The following ATP8B4 variants were observed in gnomAD, a reference collection of about 807,000 sequenced individuals.
ATP8B4 encodes the protein probable phospholipid-transporting ATPase IM.
Under a neutral mutation model 145.6 loss-of-function variants are expected in ATP8B4, and 133 were observed. The ratio of observed to expected loss-of-function variants is 0.91; its 90% CI spans 0.79 to 1.05. ATP8B4 has a LOEUF of 1.05. Among genes scored for constraint, ATP8B4 ranks in the 50% least tolerant of loss-of-function variants. The pLI, the probability that ATP8B4 is intolerant of heterozygous loss-of-function variation, is 0.00. For synonymous variants in ATP8B4, 507 were observed against 492.9 expected (o/e 1.03, Z -0.38); for missense variants, 1,458 against 1,425.2 (o/e 1.02, Z -0.37).
intron 3 of ATP8B4, among the ~76,000 whole-genome samples, chr15:50,056,360 A>G (rs2052596506): frequency 6.6e-6 from 1 of 152,202 alleles, no homozygotes; most frequent in South Asian, 2.1e-4. Context: ...GAGAGGCAGG[A>G]ACAAGCAGAC....
At chr15:49,934,521 G>C (rs1488426994) in intron 14 of ATP8B4, among the ~76,000 whole-genome samples, 1 of 152,056 alleles carries the variant, frequency 6.6e-6, no homozygotes, top group Admixed American at 6.6e-5. Context: ...GGCAAAACCT[G>C]ATCTGACTTG....
chr15:50,168,307 G>C (rs1412657139), intron 1 of ATP8B4, among the ~76,000 whole-genome samples: 1 of 152,146 alleles, frequency 6.6e-6, no homozygotes, highest in East Asian at 1.9e-4. Context: ...ACCCTCTGAA[G>C]GAAGTAGACT....
Position 50,173,094 on chromosome 15 carries a change from A to G in ATP8B4, c.-43+9167T>C, listed in dbSNP as rs1172784291. ...GGGAGGTGGGGGGCAGCCCCCGCCC[A>G]GCCGCCGCCCCGTCTGGGAGGTGGG... On this transcript the variant is annotated intron_variant, in intron 1 of 3. Coordinates refer to the ATP8B4 transcript ENST00000558829. Among the ~76,000 whole-genome samples, 3 of 124,152 alleles carry G rather than the reference A, an allele frequency of 2.4e-5. No homozygotes were observed. The East Asian group carries it at 7.9e-4, about 33-fold the overall frequency. The allele number at this position is 124,152 out of a possible 152,430, so 81.4% of individuals were successfully genotyped here. A position where few individuals can be genotyped will look rare whatever the true frequency, so the allele number is the denominator to read the frequency against.
chr15:49,898,207 A>C lies in ATP8B4; in HGVS notation c.2334T>G (p.Leu778=). 2 of 1,613,878 alleles carry C rather than the reference A, an allele frequency of 1.2e-6. No homozygotes were observed. The highest frequency in any genetic ancestry group is 1.7e-6 in the Non-Finnish European group (2 of 1,179,852). Reference sequence around the variant, plus strand: ...AAATTACAGTCTTACACATGCAAGCAAGTTCTAGGAGATCATTCTTGACAT... The same window carrying C: ...AAATTACAGTCTTACACATGCAAGCCAGTTCTAGGAGATCATTCTTGACAT... The part of the protein sequence containing the change: ...ESDVKNDLLE[L]ACMCKTVICC... The change falls in exon 22 of 28, where the codon CTT becomes CTG. Residue 778 remains leucine (L), a synonymous_variant. Transcript: ENST00000284509.
At chr15:50,140,251 C>T (rs1423395584) in intron 1 of ATP8B4, among the ~76,000 whole-genome samples, 1 of 151,988 alleles carries the variant, frequency 6.6e-6, no homozygotes, top group Non-Finnish European at 1.5e-5. Flanking sequence ...CTAGGAGCTC[C>T]CCCAGGGTAA....
Position 49,979,704 on chromosome 15 carries a change from T to C in ATP8B4, c.947A>G (p.Glu316Gly), listed in dbSNP as rs2153532704. 1 of 1,610,174 alleles carries C rather than the reference T, an allele frequency of 6.2e-7. No individual in the cohort carries two copies. The highest frequency in any genetic ancestry group is 1.1e-5 in the South Asian group (1 of 90,852). ...GAATCCGGAGAACACAGAGCTCTTC[T>C]CTCCTTCATTCCAAAAGAGGAAAGT... ...FRTFLFWNEG[E>G]KSSVFSGFLT... Residue 316 changes from glutamate (E) to glycine (G), a missense_variant, in exon 12 of 28, where the codon GAG becomes GGG. Glu to Gly is a moderately conservative substitution (Grantham distance 98). Transcript: ENST00000284509.
chr15:49,872,824 G>A (rs2033863360), intron 25 of ATP8B4, among the ~76,000 whole-genome samples: 1 of 152,036 alleles, frequency 6.6e-6, no homozygotes, highest in Admixed American at 6.6e-5. Flanking sequence ...AAGAGAAAAG[G>A]GTAATTAATG....
At chr15:50,114,103 CTTTTTTT>C (rs755159123) in intron 1 of ATP8B4, among the ~76,000 whole-genome samples, 7 of 55,644 alleles carry the variant, frequency 1.3e-4, no homozygotes, top group South Asian at 1.0e-3. Context: ...CTCCTAGTTT[CTTTTTTT>C]TTTTTTTTTT....
chr15:50,014,813 A>C (rs1054092452), intron 6 of ATP8B4, among the ~76,000 whole-genome samples: 3 of 152,202 alleles, frequency 2.0e-5, no homozygotes, highest in Non-Finnish European at 4.4e-5. Flanking sequence ...TCCATTTTAC[A>C]GAATAGGACA....
intron 1 of ATP8B4, among the ~76,000 whole-genome samples, chr15:50,107,506 T>A (rs1240314525): frequency 6.6e-6 from 1 of 152,220 alleles, no homozygotes; most frequent in Non-Finnish European, 1.5e-5. Flanking sequence ...GGCAGTTATT[T>A]TTTTTAAACC....
chr15:49,933,957 C>A, intron 15 of ATP8B4, 60 bp downstream of exon 15: 1 of 1,438,630 alleles, frequency 7.0e-7, no homozygotes, highest in South Asian at 1.6e-5. Flanking sequence ...AATTTAGTGT[C>A]AGTTTCAATT....
At chr15:50,144,752 T>C (rs1199115787) in intron 1 of ATP8B4, among the ~76,000 whole-genome samples, 1 of 85,312 alleles carries the variant, frequency 1.2e-5, no homozygotes, top group Non-Finnish European at 2.9e-5. Context: ...ATTACCCTTG[T>C]TTTTTTTTTT....
At chr15:49,860,728 T>A (rs1240266860) in intron 27 of ATP8B4, among the ~76,000 whole-genome samples, 4 of 152,184 alleles carry the variant, frequency 2.6e-5, no homozygotes, top group African/African-American at 2.4e-5. Flanking sequence ...TTGTCTCTCA[T>A]GTATCTTCAA....
intron 6 of ATP8B4, among the ~76,000 whole-genome samples, chr15:50,030,519 A>G (rs1412925609): frequency 1.3e-5 from 2 of 152,164 alleles, no homozygotes; most frequent in African/African-American, 4.8e-5. Context: ...TGGGGGAAGG[A>G]GACATTAAAA....
chr15:49,997,882 T>C (rs2047556614), intron 8 of ATP8B4, among the ~76,000 whole-genome samples: 2 of 152,116 alleles, frequency 1.3e-5, no homozygotes, highest in South Asian at 4.1e-4. Flanking sequence ...AACCTGCTGA[T>C]TTCTAGGACG....
intron 1 of ATP8B4, among the ~76,000 whole-genome samples, chr15:50,169,283 C>A (rs777822429): frequency 7.7e-6 from 1 of 129,170 alleles, no homozygotes; most frequent in East Asian, 2.1e-4. Context: ...TCCATTGCAG[C>A]CTCCACCACC....
At chr15:49,986,857 C>G (rs1008923330) in intron 10 of ATP8B4, among the ~76,000 whole-genome samples, 1 of 150,102 alleles carries the variant, frequency 6.7e-6, no homozygotes, top group Non-Finnish European at 1.5e-5. Context: ...GAGGCACCTC[C>G]TCCCACCCCA....
chr15:50,068,661 A>C (rs1600173081), intron 3 of ATP8B4, among the ~76,000 whole-genome samples: 1 of 152,198 alleles, frequency 6.6e-6, no homozygotes, highest in African/African-American at 2.4e-5. Context: ...TTTTGGCTTT[A>C]CTGAAGTTTC....
At chr15:50,139,875 C>A (rs116561490) in intron 1 of ATP8B4, among the ~76,000 whole-genome samples, 1 of 152,118 alleles carries the variant, frequency 6.6e-6, no homozygotes, top group Non-Finnish European at 1.5e-5. Flanking sequence ...ATGTTTTCTG[C>A]TTGATGGGCA....
Sources: gnomAD v4.1 joint callset for allele counts (sites outside exome capture counted in the v4.1 genomes callset) on GRCh38, gnomAD v4.1.1 for gene constraint, MANE v1.5 for transcripts, NCBI Gene and HGNC (gene_info 2026-07-23, HGNC 2026-07-21) for gene names.